Variants in MTHFD2L observed in about 807,000 individuals in gnomAD.
The protein encoded by MTHFD2L is methylenetetrahydrofolate dehydrogenase (NADP+ dependent) 2 like, also known as bifunctional methylenetetrahydrofolate dehydrogenase/cyclohydrolase 2, mitochondrial.
Under a neutral mutation model 34.9 loss-of-function variants are expected in MTHFD2L, and 29 were observed. The ratio of observed to expected loss-of-function variants is 0.83; its 90% CI spans 0.62 to 1.13. The LOEUF is 1.13. MTHFD2L is among the 50% of genes most tolerant of loss of function. The pLI, the probability that MTHFD2L is intolerant of heterozygous loss-of-function variation, is 0.00. For missense variants in MTHFD2L, 481 were observed against 446.5 expected (o/e 1.08, Z -0.70); for synonymous variants, 167 against 155.7 (o/e 1.07, Z -0.54).
intron 6 of MTHFD2L, among the ~76,000 whole-genome samples, chr4:74,233,018 GTTTAT>G (rs1371905364): frequency 1.7e-5 from 2 of 115,482 alleles, no homozygotes; most frequent in African/African-American, 5.5e-5. Context: ...TTGGTCTTAA[GTTTAT>G]TTTCTTAGTA....
upstream of MTHFD2L, chr4:74,157,793 A>C: frequency 2.0e-6 from 1 of 501,148 alleles, no homozygotes; most frequent in South Asian, 1.5e-5. Flanking sequence ...CGTGCTGCCT[A>C]AAGTGATAGT....
At chr4:74,140,421 T>G in intron 1 of MTHFD2L, 3 of 359,160 alleles carry the variant, frequency 8.4e-6, no homozygotes, top group Non-Finnish European at 1.2e-5. Flanking sequence ...ATTTTATTAG[T>G]TTTAATTTTA....
Position 74,279,151 on chromosome 4 carries a change from A to AT in MTHFD2L, c.806-2273dup, listed in dbSNP as rs543845252. Among the ~76,000 whole-genome samples, 6 of 152,208 alleles carry AT rather than the reference A, an allele frequency of 3.9e-5. No individual in the cohort carries two copies. In the South Asian group the frequency reaches 1.2e-3, roughly 32 times the overall value. On this transcript the variant is annotated intron_variant, in intron 6 of 7. Transcript: ENST00000325278. ...AATATTAGAAACACTGCAGGAATGA[A>AT]TACATTTTTATGGTAATCCATACAA...
At chr4:74,146,126 A>T (rs1352620014) in intron 1 of MTHFD2L, among the ~76,000 whole-genome samples, 1 of 152,220 alleles carries the variant, frequency 6.6e-6, no homozygotes, top group Non-Finnish European at 1.5e-5. Flanking sequence ...GTAGTCAGGA[A>T]AATTTAAATT....
At chr4:74,211,620 A>G (rs1318380349) in intron 5 of MTHFD2L, among the ~76,000 whole-genome samples, 1 of 152,200 alleles carries the variant, frequency 6.6e-6, no homozygotes, top group African/African-American at 2.4e-5. Flanking sequence ...ATTGATGTTA[A>G]TCAGGGATGT....
At chr4:74,217,052 C>G (rs767261300) in intron 5 of MTHFD2L, among the ~76,000 whole-genome samples, 4 of 151,806 alleles carry the variant, frequency 2.6e-5, no homozygotes, top group Non-Finnish European at 4.4e-5. Flanking sequence ...GGCTGTATCT[C>G]CTAACTCACT....
intron 1 of MTHFD2L, among the ~76,000 whole-genome samples, chr4:74,146,747 G>T (rs543838337): frequency 1.3e-5 from 2 of 151,934 alleles, no homozygotes; most frequent in Non-Finnish European, 1.5e-5. Flanking sequence ...TTTCTCTTGC[G>T]CAACTTTTGC....
At chr4:74,201,566 CTATTT>C (rs1342332360) in intron 5 of MTHFD2L, among the ~76,000 whole-genome samples, 196 bp downstream of exon 5, 1 of 36,186 alleles carries the variant, frequency 2.8e-5, no homozygotes, top group Non-Finnish European at 5.3e-5. Context: ...GCCATTTTCT[CTATTT>C]TTTTTTTTTT....
chr4:74,117,899 C>T (rs1306326300), intron 2 of MTHFD2L, among the ~76,000 whole-genome samples: 1 of 152,226 alleles, frequency 6.6e-6, no homozygotes, highest in Non-Finnish European at 1.5e-5. Context: ...CTTCCATGAA[C>T]TCTGTACTTA....
At chr4:74,155,206 T>G (rs1242915421), upstream of MTHFD2L, among the ~76,000 whole-genome samples, 1 of 152,180 alleles carries the variant, frequency 6.6e-6, no homozygotes, top group Non-Finnish European at 1.5e-5. Context: ...TCCGCAGTCT[T>G]TCCCGTGAGA....
At chr4:74,200,084 T>G (rs977905162) in intron 4 of MTHFD2L, 138 bp downstream of exon 4, 8 of 670,772 alleles carry the variant, frequency 1.2e-5, no homozygotes, top group African/African-American at 1.9e-5. Context: ...TACAGAGAGA[T>G]ATAAAATTGT....
intron 3 of MTHFD2L, chr4:74,181,896 A>T (rs899845360): frequency 2.6e-5 from 4 of 152,100 alleles, no homozygotes; most frequent in African/African-American, 9.7e-5. Flanking sequence ...AAGCATGGAG[A>T]TATGTGTATT....
chr4:74,130,201 A>C (rs1226636663), intron 1 of MTHFD2L, among the ~76,000 whole-genome samples: 2 of 152,150 alleles, frequency 1.3e-5, no homozygotes, highest in African/African-American at 4.8e-5. Flanking sequence ...ATTCCAAACA[A>C]TAGAAAAAGA....
chr4:74,219,645 A>T (rs1360012527), intron 5 of MTHFD2L, among the ~76,000 whole-genome samples: 5 of 152,146 alleles, frequency 3.3e-5, no homozygotes, highest in Admixed American at 2.0e-4. Context: ...GACCAGGAAC[A>T]GGCATCCAGG....
Position 74,142,663 on chromosome 4 carries a change from T to C in MTHFD2L, c.-297+17146T>C, listed in dbSNP as rs1723347225. Among the ~76,000 whole-genome samples, 3 of 152,224 alleles carry C rather than the reference T, an allele frequency of 2.0e-5. No homozygotes were observed. In the South Asian group the frequency reaches 6.2e-4, roughly 32 times the overall value. On this transcript the variant is annotated intron_variant, in intron 1 of 7. Coordinates refer to the MTHFD2L transcript ENST00000433372. ...ATAATTGACATGTATTATGGGAAACTGATGTATCAAGATAACAACATACTT... is the reference window on the plus strand; with the variant it reads ...ATAATTGACATGTATTATGGGAAACCGATGTATCAAGATAACAACATACTT...
chr4:74,201,666 C>T (rs550576023), intron 5 of MTHFD2L, among the ~76,000 whole-genome samples: 5 of 151,300 alleles, frequency 3.3e-5, no homozygotes, highest in Admixed American at 6.6e-5. Flanking sequence ...TTCACATGCC[C>T]TCAGGAAATA....
chr4:74,114,729 G>A (rs1313777796), intron 2 of MTHFD2L: 1 of 152,192 alleles, frequency 6.6e-6, no homozygotes, highest in Non-Finnish European at 1.5e-5. Context: ...ACAAACATAG[G>A]AGATTATTAG....
At chr4:74,283,682 C>G in intron 7 of MTHFD2L, among the ~76,000 whole-genome samples, 1 of 152,194 alleles carries the variant, frequency 6.6e-6, no homozygotes, top group Middle Eastern at 3.4e-3. Context: ...CCTGGAAGGT[C>G]GAGCTTTTCT....
At chr4:74,125,919 G>A (rs526993) in intron 1 of MTHFD2L, among the ~76,000 whole-genome samples, 1,705 of 152,150 alleles carry the variant, frequency 0.011, 29 homozygotes, top group African/African-American at 0.037. Flanking sequence ...AACAAAACTC[G>A]AAGTGAATAA....
Sources: allele counts gnomAD v4.1 joint callset (sites outside exome capture counted in the v4.1 genomes callset), GRCh38; gene constraint gnomAD v4.1.1; transcripts MANE v1.5; gene names NCBI Gene and HGNC (gene_info 2026-07-23, HGNC 2026-07-21).